PTPRT: variants seen among roughly 807,000 people sequenced by gnomAD.
PTPRT encodes the protein receptor-type tyrosine-protein phosphatase T.
In PTPRT, 56 loss-of-function variants were observed where a neutral mutation model predicts 176.8. That is an observed-to-expected ratio of 0.32 (90% CI 0.26 to 0.40). The LOEUF (loss-of-function observed/expected upper bound fraction) is 0.40, where lower values mean the gene tolerates loss of function less well. Among genes scored for constraint, PTPRT ranks in the 10% least tolerant of loss-of-function variants. PTPRT has a pLI of 1.00. For missense variants in PTPRT, 1,540 were observed against 1,908.2 expected (o/e 0.81, Z 3.60); for synonymous variants, 783 against 739.0 (o/e 1.06, Z -0.96).
intron 20 of PTPRT, among the ~76,000 whole-genome samples, chr20:42,118,798 C>T (rs1481389779): frequency 1.3e-5 from 2 of 151,940 alleles, no homozygotes; most frequent in African/African-American, 2.4e-5. Flanking sequence ...CCCTTTCTAC[C>T]AACTCCACCT....
At chr20:42,044,613 T>C in the PTPRT span, among the ~76,000 whole-genome samples, 1 of 152,222 alleles carries the variant, frequency 6.6e-6, no homozygotes, top group African/African-American at 2.4e-5. Context: ...TGATGGCATT[T>C]ATAAGTAAAA....
At chr20:42,990,006 T>G (rs1468306107) in intron 1 of PTPRT, among the ~76,000 whole-genome samples, 2 of 152,236 alleles carry the variant, frequency 1.3e-5, no homozygotes, top group Non-Finnish European at 2.9e-5. Context: ...GCTTTGTTTC[T>G]TATAGGCTTG....
chr20:42,535,363 T>A (rs2072458231), intron 7 of PTPRT, among the ~76,000 whole-genome samples: 2 of 152,154 alleles, frequency 1.3e-5, no homozygotes, highest in African/African-American at 4.8e-5. Flanking sequence ...AAAGACTATC[T>A]TATAGGGTCC....
intron 7 of PTPRT, among the ~76,000 whole-genome samples, chr20:42,602,709 T>C (rs1225643705): frequency 6.6e-6 from 1 of 152,084 alleles, no homozygotes; most frequent in Non-Finnish European, 1.5e-5. Context: ...TCCTCTTTCA[T>C]GAAGCCTTCC....
intron 2 of PTPRT, among the ~76,000 whole-genome samples, chr20:42,838,208 T>A (rs2078215847): frequency 6.6e-6 from 1 of 152,144 alleles, no homozygotes; most frequent in African/African-American, 2.4e-5. Context: ...GTATTTTTAG[T>A]AGAGACAGGG....
intron 12 of PTPRT, among the ~76,000 whole-genome samples, chr20:42,311,149 C>A (rs1052492458): frequency 6.6e-6 from 1 of 152,186 alleles, no homozygotes; most frequent in Non-Finnish European, 1.5e-5. Context: ...TTCTCTCCCC[C>A]ACTAGAATGA....
At chr20:42,505,559 C>T (rs2071829854) in intron 7 of PTPRT, among the ~76,000 whole-genome samples, 1 of 152,120 alleles carries the variant, frequency 6.6e-6, no homozygotes, top group African/African-American at 2.4e-5. Flanking sequence ...GCCTTGGCCT[C>T]CCAAAGTGCT....
intron 7 of PTPRT, among the ~76,000 whole-genome samples, chr20:42,556,829 G>A (rs1348741034): frequency 1.3e-5 from 2 of 152,146 alleles, no homozygotes; most frequent in South Asian, 2.1e-4. Context: ...TCAACTGAGT[G>A]ACATTGCTGG....
At chr20:42,824,427 G>A (rs777818370) in intron 2 of PTPRT, among the ~76,000 whole-genome samples, 3 of 151,876 alleles carry the variant, frequency 2.0e-5, no homozygotes, top group Non-Finnish European at 2.9e-5. Flanking sequence ...AAAACAGACA[G>A]GCTAATGACA....
intron 30 of PTPRT, 135 bp from the exon 31 acceptor site, chr20:42,081,067 T>G (rs762386733): frequency 1.5e-6 from 1 of 675,596 alleles, no homozygotes; most frequent in Non-Finnish European, 2.5e-6. Context: ...TTATGTCAAC[T>G]CAAAATTACC....
rs370772984 is a variant in PTPRT at position 42,499,760 on chromosome 20, T to C, written c.1154-27198A>G. ...AAATCATTGCACACCTCCAACAAGATGTCCAATATATGTATTGAAAATAAC... is the reference window on the plus strand; with the variant it reads ...AAATCATTGCACACCTCCAACAAGACGTCCAATATATGTATTGAAAATAAC... On this transcript the variant is annotated intron_variant, in intron 7 of 30. Transcript: ENST00000373187. Among the ~76,000 whole-genome samples the C allele has an allele frequency of 3.1e-3, 474 of 152,310 alleles. 22 individuals are homozygous for C. In the South Asian group the frequency reaches 0.093, roughly 30 times the overall value.
chr20:42,572,321 T>C (rs943864394), intron 7 of PTPRT, among the ~76,000 whole-genome samples: 10 of 152,190 alleles, frequency 6.6e-5, no homozygotes, highest in African/African-American at 2.2e-4. Context: ...ACATCCTTCA[T>C]TGTTTTCCCA....
intron 14 of PTPRT, among the ~76,000 whole-genome samples, chr20:42,238,033 G>C (rs2056279473): frequency 6.6e-6 from 1 of 152,108 alleles, no homozygotes; most frequent in South Asian, 2.1e-4. Flanking sequence ...TCCCAAGATG[G>C]GGCTATCTCT....
chr20:42,276,494 G>GAA (rs2057031936), intron 13 of PTPRT, among the ~76,000 whole-genome samples: 3 of 42,756 alleles, frequency 7.0e-5, no homozygotes, highest in Non-Finnish European at 9.6e-5. Context: ...GAGAAAGAAG[G>GAA]AAATATATAT....
intron 16 of PTPRT, among the ~76,000 whole-genome samples, chr20:42,169,246 C>T (rs181466254): frequency 1.6e-4 from 25 of 152,164 alleles, no homozygotes; most frequent in East Asian, 1.4e-3. Flanking sequence ...GTTTCCGAGA[C>T]GCAGATTCAG....
At chr20:43,140,899 G>A (rs183552264) in intron 1 of PTPRT, among the ~76,000 whole-genome samples, 1 of 152,244 alleles carries the variant, frequency 6.6e-6, no homozygotes, top group Admixed American at 6.5e-5. Flanking sequence ...TTACTTCTTG[G>A]ATCATGAATT....
At chr20:42,444,600 C>A (rs2059347036) in intron 9 of PTPRT, among the ~76,000 whole-genome samples, 1 of 152,020 alleles carries the variant, frequency 6.6e-6, no homozygotes. Context: ...CCCTCCTTCC[C>A]CTCCCTTATT....
intron 13 of PTPRT, among the ~76,000 whole-genome samples, chr20:42,258,664 C>A (rs1248587779): frequency 6.6e-6 from 1 of 152,106 alleles, no homozygotes; most frequent in Non-Finnish European, 1.5e-5. Context: ...TTCACCAGAT[C>A]TGGTTGATAA....
chr20:42,165,817 G>A (rs1989798785), intron 16 of PTPRT, among the ~76,000 whole-genome samples: 2 of 152,138 alleles, frequency 1.3e-5, no homozygotes, highest in South Asian at 2.1e-4. Flanking sequence ...GTCACACAGT[G>A]GGGCAAAGAG....
Sources: allele counts gnomAD v4.1 joint callset (sites outside exome capture counted in the v4.1 genomes callset), GRCh38; gene constraint gnomAD v4.1.1; transcripts MANE v1.5; gene names NCBI Gene and HGNC (gene_info 2026-07-23, HGNC 2026-07-21).